Variants in CFAP47 observed in about 807,000 individuals in gnomAD.
CFAP47 encodes cilia and flagella associated protein 47.
CFAP47 carries 29 observed loss-of-function variants against 148.1 expected under a neutral mutation model. That is an observed-to-expected ratio of 0.20 (90% CI 0.15 to 0.27). The LOEUF is 0.27. Among genes scored for constraint, CFAP47 ranks in the 10% least tolerant of loss-of-function variants. CFAP47 has a pLI of 1.00. For synonymous variants in CFAP47, 664 were observed against 577.3 expected, an observed-to-expected ratio of 1.15 and a Z score of -2.15; for missense variants, 1,872 against 1,697.5, an observed-to-expected ratio of 1.10 and a Z score of -1.81.
At chrX:36,143,514 C>T (rs1410511881) in intron 35 of CFAP47, among the ~76,000 whole-genome samples, 1 of 111,643 alleles carries the variant, frequency 9.0e-6, no homozygotes, top group Non-Finnish European at 1.9e-5. Flanking sequence ...ACCTTCATTT[C>T]CATTTTGTGG....
At chrX:36,234,828 C>T (rs1444466100) in intron 46 of CFAP47, among the ~76,000 whole-genome samples, 3 of 111,815 alleles carry the variant, frequency 2.7e-5, no homozygotes, top group African/African-American at 9.8e-5. Context: ...AGTTTTCCTT[C>T]TAAGAGACAG....
intron 59 of CFAP47, among the ~76,000 whole-genome samples, chrX:36,350,587 T>C (rs1941736097): frequency 9.0e-6 from 1 of 111,561 alleles, no homozygotes; most frequent in South Asian, 3.7e-4. Flanking sequence ...CAGAATGTAC[T>C]GAAGTTTTCA....
rs1940470874 is a variant in CFAP47, at chrX:36,236,682, A to C, written c.7159-4A>C. The C allele has an allele frequency of 1.9e-6, 1 of 521,289 alleles. No individual in the cohort carries two copies. Among genetic ancestry groups the C allele is most frequent in the Admixed American group, 2.7e-5 (1 of 36,942 alleles). The allele number at this position is 521,289 out of a possible 1,213,427, so 43.0% of individuals were successfully genotyped here. Reference sequence around the variant, plus strand: ...AGACCTGAAATTTGTCTGGTTTCTCATAGGGTAAACTTATTCTACAAAATG... The same window carrying C: ...AGACCTGAAATTTGTCTGGTTTCTCCTAGGGTAAACTTATTCTACAAAATG... On this transcript the variant is annotated splice_polypyrimidine_tract_variant and splice_region_variant and intron_variant, in intron 47 of 63. Transcript: ENST00000378653.
intron 25 of CFAP47, among the ~76,000 whole-genome samples, chrX:36,042,415 GA>G (rs1937416729): frequency 9.0e-6 from 1 of 111,086 alleles, no homozygotes; most frequent in Non-Finnish European, 1.9e-5. Flanking sequence ...TCTACAAGGA[GA>G]TTTTTTAAAA....
intron 1 of CFAP47, 66 bp from the exon 2 acceptor site, chrX:35,925,951 A>G: frequency 1.1e-6 from 1 of 946,623 alleles, no homozygotes; most frequent in Non-Finnish European, 1.5e-6. Flanking sequence ...CATTGTGCCC[A>G]GCCATGGTAT....
intron 8 of CFAP47, among the ~76,000 whole-genome samples, chrX:35,962,099 G>A (rs1178835169): frequency 1.8e-5 from 2 of 110,911 alleles, no homozygotes; most frequent in African/African-American, 6.5e-5. Context: ...GACATGTATT[G>A]CTTAATTTCC....
chrX:35,929,537 AG>A (rs1489032636), intron 2 of CFAP47, among the ~76,000 whole-genome samples: 1 of 111,309 alleles, frequency 9.0e-6, no homozygotes, highest in Non-Finnish European at 1.9e-5. Flanking sequence ...CCTTTTTAGG[AG>A]GTTTTTGTAT....
intron 39 of CFAP47, among the ~76,000 whole-genome samples, chrX:36,178,412 A>T (rs778720913): frequency 9.0e-6 from 1 of 111,659 alleles, no homozygotes; most frequent in South Asian, 3.7e-4. Context: ...GAAAAATAAT[A>T]AATTTTAGGA....
At chrX:35,950,233 T>C (rs1272504408) in intron 4 of CFAP47, among the ~76,000 whole-genome samples, 3 of 111,827 alleles carry the variant, frequency 2.7e-5, no homozygotes, top group Non-Finnish European at 5.6e-5. Flanking sequence ...TGGTATCTGA[T>C]GGGCCTAAAT....
chrX:35,945,565 A>G, intron 3 of CFAP47, among the ~76,000 whole-genome samples: 1 of 111,341 alleles, frequency 9.0e-6, no homozygotes, highest in East Asian at 2.8e-4. Flanking sequence ...GAGTTCCAAA[A>G]CTTGGCAAAA....
chrX:36,330,793 T>A (rs782668353), intron 57 of CFAP47, among the ~76,000 whole-genome samples: 2 of 111,726 alleles, frequency 1.8e-5, no homozygotes, highest in African/African-American at 6.5e-5. Flanking sequence ...AAGACTAAAT[T>A]GTCTGTGCCA....
intron 51 of CFAP47, among the ~76,000 whole-genome samples, chrX:36,296,799 T>C (rs1285584448): frequency 1.8e-5 from 2 of 111,925 alleles, no homozygotes; most frequent in Admixed American, 1.9e-4. Flanking sequence ...GGGTTGATAG[T>C]ATGTGTTACC....
intron 26 of CFAP47, among the ~76,000 whole-genome samples, chrX:36,064,271 A>T (rs1937617980): frequency 8.9e-6 from 1 of 112,024 alleles, no homozygotes; most frequent in South Asian, 3.7e-4. Context: ...ATGATATCAT[A>T]TGGTAAAAAT....
chrX:35,951,867 A>G lies in CFAP47; in HGVS notation c.950A>G (p.Lys317Arg). The G allele has an allele frequency of 8.5e-7, 1 of 1,170,845 alleles. No individual in the cohort carries two copies. Among genetic ancestry groups the G allele is most frequent in the Non-Finnish European group, 1.1e-6 (1 of 882,426 alleles). The change falls in exon 6 of 64, where the codon AAG (lysine) becomes AGG (arginine). Residue 317 changes from lysine (K) to arginine (R), a missense_variant. Transcript: ENST00000378653. ...LNNLTYIRKI[K>R]NIDTTIIISC... The stretch of plus-strand genomic sequence containing the variant: ...AATCTCACCTACATAAGAAAAATAA[A>G]GAACATAGATACTACTATCATTATC...
chrX:35,924,326 T>TATATGTGTACATATATGTGTGC (rs1438596911), intron 1 of CFAP47, among the ~76,000 whole-genome samples: 1 of 106,723 alleles, frequency 9.4e-6, no homozygotes, highest in Non-Finnish European at 1.9e-5. Context: ...CATGTATGTG[T>TATATGTGTACATATATGTGTGC]ATATGTGTAC....
Position 36,089,742 on chromosome X carries a change from G to T in CFAP47, c.4916+4204G>T, listed in dbSNP as rs1021555416. Among the ~76,000 whole-genome samples the T allele has an allele frequency of 1.0e-3, 116 of 111,740 alleles. 1 individual carries two copies. The highest frequency in any genetic ancestry group is 3.6e-3 in the African/African-American group (111 of 30,834). On this transcript the variant is annotated intron_variant, in intron 30 of 63. Transcript: ENST00000378653. The stretch of plus-strand genomic sequence containing the variant: ...ACTAACGGATGCTAGGCTTAATATT[G>T]GAGTGGCAGAATAATCTCTACAACA...
Position 36,007,891 on chromosome X carries a change from A to G in CFAP47, c.3417+6184A>G, listed in dbSNP as rs187436619. 4.5e-5 allele frequency among the ~76,000 whole-genome samples: 5 copies of G among 111,655 alleles called. No individual in the cohort carries two copies. The Admixed American group carries it at 4.8e-4, about 11-fold the overall frequency. ...GAAAGGCTTCATACTTAAAAAAGAC[A>G]GTTAAGGGCTGAGATGAGTACATTG... On this transcript the variant is annotated intron_variant, in intron 21 of 63. Transcript: ENST00000378653.
In CFAP47 at chrX:36,350,099, C is replaced by T; in HGVS notation, c.8665C>T (p.Leu2889Phe). 8.6e-7 allele frequency: 1 copy of T among 1,159,550 alleles called. No individual in the cohort carries two copies. The highest frequency in any genetic ancestry group is 2.3e-4 in the Middle Eastern group (1 of 4,280). Residue 2889 changes from leucine to phenylalanine, a missense_variant, in exon 59 of 64, where the codon CTC (leucine) becomes TTC (phenylalanine). Coordinates refer to ENST00000378653, the MANE Select transcript of CFAP47 (RefSeq NM_001304548.2). ...AIHWIYPIVG[L>F]PQAPPPKSPP... ...ACACTGGATATACCCTATTGTTGGA[C>T]TCCCACAAGCACCACCTCCTAAATC...
chrX:36,185,468 A>G (rs1939796808), intron 40 of CFAP47, among the ~76,000 whole-genome samples: 1 of 111,550 alleles, frequency 9.0e-6, no homozygotes, highest in South Asian at 3.8e-4. Context: ...CAAGTATGGT[A>G]GTTATCTTCC....
Sources: gnomAD v4.1 joint callset for allele counts (sites outside exome capture counted in the v4.1 genomes callset) on GRCh38, gnomAD v4.1.1 for gene constraint, MANE v1.5 for transcripts, NCBI Gene and HGNC (gene_info 2026-07-23, HGNC 2026-07-21) for gene names.